Variants in COLGALT2 observed in about 807,000 individuals in gnomAD.
COLGALT2 encodes the protein collagen beta(1-O)galactosyltransferase 2.
A neutral mutation model predicts 73.4 loss-of-function variants in COLGALT2; 49 were observed. That is an observed-to-expected ratio of 0.67 (90% confidence interval 0.53 to 0.85). The LOEUF is 0.85. Among genes scored for constraint, COLGALT2 ranks in the 40% least tolerant of loss-of-function variants. COLGALT2 has a pLI of 0.00. For missense variants in COLGALT2, 722 were observed against 790.2 expected (o/e 0.91, Z 1.03); for synonymous variants, 295 against 307.6 (o/e 0.96, Z 0.43).
intron 1 of COLGALT2, among the ~76,000 whole-genome samples, chr1:184,034,672 G>A (rs1649617472): frequency 6.6e-6 from 1 of 152,174 alleles, no homozygotes; most frequent in African/African-American, 2.4e-5. Context: ...TATAATAACA[G>A]TGCATATCTG....
intron 2 of COLGALT2, among the ~76,000 whole-genome samples, chr1:183,976,629 C>G (rs1158168021): frequency 6.6e-6 from 1 of 151,948 alleles, no homozygotes; most frequent in Non-Finnish European, 1.5e-5. Context: ...GTTCATCCAA[C>G]CAGTATTAAT....
At position 184,003,409 on chromosome 1, in the gene COLGALT2, G is replaced by A. The variant is rs1302503036; in HGVS notation, c.264-24889C>T. 1.1e-4 allele frequency among the ~76,000 whole-genome samples: 16 copies of A among 152,116 alleles called. No individual in the cohort carries two copies. The East Asian group carries it at 1.2e-3, about 11-fold the overall frequency. On this transcript the variant is annotated intron_variant, in intron 1 of 11. Coordinates refer to ENST00000361927, the MANE Select transcript of COLGALT2 (RefSeq NM_015101.4). ...TGGAGAGACCATGTGCTCTACTACC[G>A]AGTAGATGATCTACTACCGATAGAT...
intron 1 of COLGALT2, among the ~76,000 whole-genome samples, chr1:184,018,832 G>A (rs1380530332): frequency 6.6e-6 from 1 of 152,116 alleles, no homozygotes; most frequent in Non-Finnish European, 1.5e-5. Context: ...AAACTGAGAA[G>A]GAAGAAATAT....
chr1:183,944,926 AACTG>A (rs1171022931), intron 9 of COLGALT2, among the ~76,000 whole-genome samples: 1 of 152,186 alleles, frequency 6.6e-6, no homozygotes, highest in Non-Finnish European at 1.5e-5. Flanking sequence ...TGGTTGTGGA[AACTG>A]ACTGTTTATC....
intron 1 of COLGALT2, among the ~76,000 whole-genome samples, chr1:184,030,742 C>A (rs528470545): frequency 1.3e-5 from 2 of 152,264 alleles, no homozygotes; most frequent in African/African-American, 4.8e-5. Flanking sequence ...GATAAAGGAG[C>A]TAAAAACAGA....
chr1:183,939,674 A>G (rs934261104), intron 11 of COLGALT2, among the ~76,000 whole-genome samples: 2 of 152,236 alleles, frequency 1.3e-5, no homozygotes, highest in African/African-American at 4.8e-5. Flanking sequence ...ACAAGAGGGC[A>G]CACAACTCCA....
chr1:184,006,622 A>ATAT (rs1393114630), intron 1 of COLGALT2, among the ~76,000 whole-genome samples: 1 of 151,394 alleles, frequency 6.6e-6, no homozygotes, highest in Admixed American at 6.6e-5. Context: ...AATAATAATA[A>ATAT]TAAAAAGATT....
chr1:184,035,800 T>G (rs1413456896), intron 1 of COLGALT2, among the ~76,000 whole-genome samples: 1 of 152,230 alleles, frequency 6.6e-6, no homozygotes, highest in African/African-American at 2.4e-5. Context: ...TCCTTCTGGT[T>G]TAAAGCCTGG....
chr1:183,975,576 AG>A (rs1168064341), intron 2 of COLGALT2, among the ~76,000 whole-genome samples: 1 of 152,232 alleles, frequency 6.6e-6, no homozygotes, highest in Non-Finnish European at 1.5e-5. Context: ...CCAAGCAAAA[AG>A]CTCATGTTCC....
chr1:183,982,957 G>C (rs1002310695), intron 1 of COLGALT2, among the ~76,000 whole-genome samples: 1 of 152,142 alleles, frequency 6.6e-6, no homozygotes, highest in African/African-American at 2.4e-5. Context: ...TACGAAATGT[G>C]TTTTCCTGGT....
In COLGALT2 at chr1:183,964,028, TCCAAGAGAG is replaced by T; in HGVS notation, c.833-17_833-9del. ...AGAGGTACATCTGGATGCCTGAGGATCCAAGAGAGGGACAAAGCCAACAATCAGAAAACA... is the reference window on the plus strand; with the variant it reads ...AGAGGTACATCTGGATGCCTGAGGATGGACAAAGCCAACAATCAGAAAACA... On this transcript the variant is annotated splice_polypyrimidine_tract_variant and intron_variant, in intron 5 of 11. Coordinates refer to ENST00000361927, the MANE Select transcript of COLGALT2 (RefSeq NM_015101.4). 6.2e-7 allele frequency: 1 copy of T among 1,612,586 alleles called. No individual in the cohort carries two copies. Among genetic ancestry groups the T allele is most frequent in the Non-Finnish European group, 8.5e-7 (1 of 1,179,284 alleles).
chr1:183,993,451 G>T (rs1051769270), intron 1 of COLGALT2, among the ~76,000 whole-genome samples: 1 of 152,206 alleles, frequency 6.6e-6, no homozygotes, highest in African/African-American at 2.4e-5. Context: ...TGTCTTTTAA[G>T]CCAAATTAGA....
At chr1:184,017,915 C>T (rs1300670062) in intron 1 of COLGALT2, among the ~76,000 whole-genome samples, 3 of 151,962 alleles carry the variant, frequency 2.0e-5, no homozygotes, top group East Asian at 3.9e-4. Flanking sequence ...GTTGTGAGCT[C>T]GGAATGAGTT....
chr1:184,023,083 G>C (rs188192890), intron 1 of COLGALT2, among the ~76,000 whole-genome samples: 176 of 152,284 alleles, frequency 1.2e-3, no homozygotes, highest in African/African-American at 4.1e-3. Flanking sequence ...CTTGGAAAGG[G>C]AAGCGTTTGA....
At chr1:183,998,042 A>G (rs1248261958) in intron 1 of COLGALT2, among the ~76,000 whole-genome samples, 5 of 152,208 alleles carry the variant, frequency 3.3e-5, no homozygotes, top group African/African-American at 1.2e-4. Context: ...TGGATCTGTC[A>G]TAGGTCTGAA....
chr1:183,940,161 A>AC lies in COLGALT2; in HGVS notation c.1604+419dup, dbSNP rs1407081954. 4.6e-5 allele frequency among the ~76,000 whole-genome samples: 7 copies of AC among 152,280 alleles called. No individual in the cohort carries two copies. In the East Asian group the frequency reaches 1.3e-3, roughly 29 times the overall value. On this transcript the variant is annotated intron_variant, in intron 11 of 11. Coordinates refer to ENST00000361927, the MANE Select transcript of COLGALT2 (RefSeq NM_015101.4). ...ATTTGTTCATGAGTCTGGGTTCCTG[A>AC]CCAGATTGTGAGCTATGCAAAAATG...
intron 1 of COLGALT2, among the ~76,000 whole-genome samples, chr1:184,007,934 C>T (rs962502954): frequency 8.5e-5 from 13 of 152,228 alleles, no homozygotes; most frequent in Admixed American, 2.6e-4. Context: ...CCCCCCATTA[C>T]CAGGGCCCAC....
chr1:184,010,831 C>T (rs914441092), intron 1 of COLGALT2, among the ~76,000 whole-genome samples: 1 of 152,194 alleles, frequency 6.6e-6, no homozygotes, highest in Non-Finnish European at 1.5e-5. Flanking sequence ...CCTTTCACAA[C>T]GGCATCAATG....
chr1:183,936,479 G>C lies in COLGALT2; in HGVS notation c.*2282C>G. The C allele has an allele frequency of 1.0e-6, 1 of 995,700 alleles. No homozygotes were observed. The highest frequency in any genetic ancestry group is 1.2e-6 in the Non-Finnish European group (1 of 837,040). 61.7% of individuals were successfully genotyped at this position (995,700 alleles called of 1,614,324 possible). ...AGAATTTAAGTCCAAAGTCTTTTAA[G>C]AATGAGAGTTCTTAAATCTGTCAGA... On this transcript the variant is annotated 3_prime_UTR_variant, in exon 12 of 12. Transcript: ENST00000361927.
Sources: gnomAD v4.1 joint callset for allele counts (sites outside exome capture counted in the v4.1 genomes callset) on GRCh38, gnomAD v4.1.1 for gene constraint, MANE v1.5 for transcripts, NCBI Gene and HGNC (gene_info 2026-07-23, HGNC 2026-07-21) for gene names.